Variants in KDR observed in about 807,000 individuals in gnomAD.
KDR encodes the protein kinase insert domain receptor, also known as vascular endothelial growth factor receptor 2.
Under a neutral mutation model 160.9 loss-of-function variants are expected in KDR, and 43 were observed. The ratio of observed to expected loss-of-function variants is 0.27; its 90% CI spans 0.21 to 0.34. The LOEUF (loss-of-function observed/expected upper bound fraction) is 0.34, where lower values mean the gene tolerates loss of function less well. Ranked by LOEUF, KDR falls within the 10% of genes least tolerant of loss-of-function variation. The pLI, the probability that KDR is intolerant of heterozygous loss-of-function variation, is 1.00. For missense variants in KDR, 1,469 were observed against 1,666.4 expected (o/e 0.88, Z 2.06); for synonymous variants, 617 against 600.1 (o/e 1.03, Z -0.41).
rs1720130494 is a variant in KDR at position 55,095,559 on chromosome 4, G to A, written c.2817+18C>T. 6.5e-7 allele frequency: 1 copy of A among 1,537,970 alleles called. No individual in the cohort carries two copies. The highest frequency in any genetic ancestry group is 1.4e-5 in the African/African-American group (1 of 73,522). On this transcript the variant is annotated intron_variant, in intron 20 of 29. Transcript: ENST00000263923. ...TCATTTTATAACATGGCCAGAGCAG[G>A]ATTAGGAGATGACATACCTTGTAGG... is the stretch of plus-strand genomic sequence containing the variant.
intron 13 of KDR, 147 bp downstream of exon 13, chr4:55,104,496 C>A: frequency 2.8e-6 from 2 of 701,868 alleles, no homozygotes; most frequent in South Asian, 3.2e-5. Flanking sequence ...TAGCTTCTTT[C>A]TTCCTCAAGG....
At position 55,106,774 on chromosome 4, in the gene KDR, T is replaced by C. The variant is rs1720454503; in HGVS notation, c.1449A>G (p.Glu483=). 1.2e-5 allele frequency: 19 copies of C among 1,602,922 alleles called. No individual in the cohort carries two copies. The highest frequency in any genetic ancestry group is 1.5e-5 in the Non-Finnish European group (17 of 1,169,862). ...GGAAGTCCTCCACACTTCTCCATTC[T>C]TCACAAGGGTATGGGTTTGTCACTG... is the stretch of plus-strand genomic sequence containing the variant. The part of the protein sequence containing the change: ...AVSVTNPYPC[E]EWRSVEDFQG... Residue 483 remains glutamate, a synonymous_variant, in exon 11 of 30, where the codon GAA becomes GAG. Transcript: ENST00000263923.
chr4:55,081,983 T>C lies in KDR; in HGVS notation c.3821A>G (p.Asp1274Gly), dbSNP rs775562121. 1 of 1,613,788 alleles carries C rather than the reference T, an allele frequency of 6.2e-7. No homozygotes were observed. The highest frequency in any genetic ancestry group is 1.7e-5 in the Admixed American group (1 of 60,024). ...LASEELKTLE[D>G]RTKLSPSFGG... ...AAAAGATGGAGATAATTTGGTTCTGTCTTCCAAAGTTTTCAGCTCTTCTGA... is the reference window on the plus strand; with the variant it reads ...AAAAGATGGAGATAATTTGGTTCTGCCTTCCAAAGTTTTCAGCTCTTCTGA... Residue 1274 changes from aspartate to glycine, a missense_variant, in exon 29 of 30, where the codon GAC (aspartate) becomes GGC (glycine). By Grantham distance (94) the Asp-to-Gly change is moderately conservative (BLOSUM62 -1). This residue lies in a region of KDR where 229 missense variants were observed against 197.8 expected (regional missense o/e 1.16). Coordinates refer to ENST00000263923, the MANE Select transcript of KDR (RefSeq NM_002253.4).
At chr4:55,092,882 C>G (rs1720053488) in intron 21 of KDR, among the ~76,000 whole-genome samples, 168 bp from the exon 22 acceptor site, 1 of 152,160 alleles carries the variant, frequency 6.6e-6, no homozygotes, top group African/African-American at 2.4e-5. Flanking sequence ...ATCCCAGTAT[C>G]ATTAGCCTTC....
intron 4 of KDR, 87 bp downstream of exon 4, chr4:55,115,194 T>C (rs1355532471): frequency 1.3e-5 from 17 of 1,305,414 alleles, no homozygotes; most frequent in Non-Finnish European, 1.9e-5. Context: ...TTAAAACTCA[T>C]TGTGAATATT....
chr4:55,119,340 A>G (rs893088995), intron 2 of KDR, among the ~76,000 whole-genome samples: 45 of 152,240 alleles, frequency 3.0e-4, no homozygotes, highest in Admixed American at 1.2e-3. Context: ...CTTTCAACAA[A>G]TATCTATTAA....
chr4:55,122,724 A>C (rs1716043311), intron 1 of KDR: 1 of 152,216 alleles, frequency 6.6e-6, no homozygotes, highest in Non-Finnish European at 1.5e-5. Context: ...CTCAGAAATT[A>C]ACTGGCATTG....
Position 55,121,142 on chromosome 4 carries a change from T to C in KDR, c.116A>G (p.Asp39Gly), listed in dbSNP as rs1179688174. 1.9e-6 allele frequency: 3 copies of C among 1,613,706 alleles called. No individual in the cohort carries two copies. The highest frequency in any genetic ancestry group is 2.2e-5 in the East Asian group (1 of 44,874). Residue 39 changes from aspartate (D) to glycine (G), a missense_variant, in exon 2 of 30, where the codon GAC (aspartate) becomes GGC (glycine). Physicochemically the swap from Asp to Gly is moderately conservative, Grantham distance 94. Around this residue, in one of 7 missense-constraint regions of KDR, gnomAD observed 792 missense variants for 840.9 expected, o/e 0.94. Transcript: ENST00000263923. The part of the protein sequence containing the change: ...LDLPRLSIQK[D>G]ILTIKANTTL... ...TGTATTAGCCTTAATTGTAAGTATGTCTTTTTGTATGCTGAGCCTGGGCAG... is the reference window on the plus strand; with the variant it reads ...TGTATTAGCCTTAATTGTAAGTATGCCTTTTTGTATGCTGAGCCTGGGCAG...
intron 9 of KDR, among the ~76,000 whole-genome samples, chr4:55,108,198 CA>C (rs10693062): frequency 2.1e-3 from 238 of 115,134 alleles, no homozygotes; most frequent in Middle Eastern, 4.9e-3. Flanking sequence ...CCATCTCTAC[CA>C]AAAAAAAAAA....
intron 4 of KDR, 21 bp from the exon 5 acceptor site, chr4:55,115,063 T>G: frequency 6.3e-7 from 1 of 1,599,580 alleles, no homozygotes; most frequent in Non-Finnish European, 8.6e-7. Context: ...AAAAGACATA[T>G]CAAATATTTA....
chr4:55,114,963 T>C lies in KDR; in HGVS notation c.569A>G (p.Tyr190Cys). The change falls in exon 5 of 30, where the codon TAC (tyrosine) becomes TGC (cysteine). Residue 190 changes from tyrosine (Y) to cysteine (C), a missense_variant. Physicochemically the swap from Tyr to Cys is radical, Grantham distance 194. Around this residue, in one of 7 missense-constraint regions of KDR, gnomAD observed 792 missense variants for 840.9 expected, o/e 0.94. Transcript: ENST00000263923. ...DSKKGFTIPS[Y>C]MISYAGMVFC... ...GACCATGCCAGCATAGCTGATCATG[T>C]AGCTGGGAATAGTAAAGCCCTTCTT... 2 of 1,613,580 alleles carry C rather than the reference T, an allele frequency of 1.2e-6. No homozygotes were observed. The highest frequency in any genetic ancestry group is 1.7e-6 in the Non-Finnish European group (2 of 1,179,522).
chr4:55,111,841 A>C (rs1354323060), intron 7 of KDR, among the ~76,000 whole-genome samples: 1 of 152,248 alleles, frequency 6.6e-6, no homozygotes, highest in African/African-American at 2.4e-5. Flanking sequence ...CAGGAACTTG[A>C]GTTCCAATCT....
intron 27 of KDR, 24 bp from the exon 28 acceptor site, chr4:55,082,659 T>A: frequency 1.3e-6 from 2 of 1,579,482 alleles, no homozygotes; most frequent in Non-Finnish European, 1.7e-6. Context: ...AATATTTATA[T>A]TTTAGTGGTG....
chr4:55,117,237 C>T (rs1560524014), intron 3 of KDR, among the ~76,000 whole-genome samples: 1 of 152,180 alleles, frequency 6.6e-6, no homozygotes, highest in Non-Finnish European at 1.5e-5. Flanking sequence ...TACTGAAACT[C>T]ATGAAATGAA....
At position 55,118,726 on chromosome 4, in the gene KDR, C is replaced by T; in HGVS notation, c.236G>A (p.Cys79Tyr). 6.2e-7 allele frequency: 1 copy of T among 1,614,132 alleles called. No individual in the cohort carries two copies. Among genetic ancestry groups the T allele is most frequent in the African/African-American group, 1.3e-5 (1 of 75,018 alleles). The change falls in exon 3 of 30, where the codon TGC (cysteine) becomes TAC (tyrosine). Residue 79 changes from cysteine (C) to tyrosine (Y), a missense_variant. This residue lies in a region of KDR where 792 missense variants were observed against 840.9 expected (regional missense o/e 0.94). Transcript: ENST00000263923. ...TGTCTTACAGAAGAGGCCATCGCTG[C>T]ACTCAGTCACCTCCACCCTTTGCTC... ...GSEQRVEVTE[C>Y]SDGLFCKTLT...
At chr4:55,082,374 G>GA (rs1719756468) in intron 28 of KDR, among the ~76,000 whole-genome samples, 162 bp downstream of exon 28, 1 of 152,068 alleles carries the variant, frequency 6.6e-6, no homozygotes, top group African/African-American at 2.4e-5. Context: ...CTTTACTTAT[G>GA]AAAAAAACAA....
chr4:55,099,741 G>A (rs908784924), intron 15 of KDR, among the ~76,000 whole-genome samples: 3 of 152,142 alleles, frequency 2.0e-5, no homozygotes, highest in African/African-American at 7.2e-5. Flanking sequence ...GAAGACCAGA[G>A]AGCTTAAGCT....
At chr4:55,121,244 G>A (rs867709069) in intron 1 of KDR, 54 bp from the exon 2 acceptor site, 15 of 1,247,176 alleles carry the variant, frequency 1.2e-5, no homozygotes, top group Non-Finnish European at 1.8e-5. Flanking sequence ...GACCTAATAG[G>A]AAACACCTTC....
chr4:55,110,285 C>G lies in KDR; in HGVS notation c.1255+118G>C, dbSNP rs1356787066. The G allele has an allele frequency of 3.7e-6, 4 of 1,083,890 alleles. No homozygotes were observed. In the East Asian group the frequency reaches 9.9e-5, roughly 27 times the overall value. 67.1% of individuals were successfully genotyped at this position (1,083,890 alleles called of 1,614,324 possible). A position where few individuals can be genotyped will look rare whatever the true frequency, so the allele number is the denominator to read the frequency against. On this transcript the variant is annotated intron_variant, in intron 9 of 29. Transcript: ENST00000263923. ...CACCACGCCAGATGACTTTTGTACGCAGGCCCAGCCATGATATGAGTGAAG... is the reference window on the plus strand; with the variant it reads ...CACCACGCCAGATGACTTTTGTACGGAGGCCCAGCCATGATATGAGTGAAG...
Sources: gnomAD v4.1 joint callset for allele counts (sites outside exome capture counted in the v4.1 genomes callset) on GRCh38, gnomAD v4.1.1 for gene constraint, gnomAD v4.1.1 regional missense constraint, MANE v1.5 for transcripts, NCBI Gene and HGNC (gene_info 2026-07-23, HGNC 2026-07-21) for gene names.